Variants in RANBP17 observed in about 807,000 individuals in gnomAD.
RANBP17 encodes the protein ran-binding protein 17.
Under a neutral mutation model 141.2 loss-of-function variants are expected in RANBP17, and 158 were observed. That is an observed-to-expected ratio of 1.12 (90% CI 0.98 to 1.28). The LOEUF is 1.28. RANBP17 is among the 50% of genes most tolerant of loss of function. The pLI is 0.00. For missense variants in RANBP17, 1,438 were observed against 1,290.7 expected (o/e 1.11, Z -1.75); for synonymous variants, 430 against 450.0 (o/e 0.96, Z 0.56).
At position 170,987,881 on chromosome 5, in the gene RANBP17, A is replaced by G. The variant is rs187720402; in HGVS notation, c.1710+19504A>G. On this transcript the variant is annotated intron_variant, in intron 14 of 27. Transcript: ENST00000523189. The stretch of plus-strand genomic sequence containing the variant: ...TAAGTTAGAGAAATACAGGAAGTAA[A>G]TTGGAAAAATATGGGCTTAGTTTTT... 4.1e-3 allele frequency among the ~76,000 whole-genome samples: 615 copies of G among 151,746 alleles called. 5 individuals are homozygous for G. The highest frequency in any genetic ancestry group is 0.014 in the African/African-American group (594 of 41,498).
At chr5:170,960,568 C>G (rs1776060846) in intron 13 of RANBP17, among the ~76,000 whole-genome samples, 1 of 152,176 alleles carries the variant, frequency 6.6e-6, no homozygotes, top group African/African-American at 2.4e-5. Flanking sequence ...TCAGTTCTAT[C>G]TTTTAGTTAC....
intron 3 of RANBP17, among the ~76,000 whole-genome samples, chr5:170,882,222 C>G (rs572025341): frequency 6.6e-6 from 1 of 152,196 alleles, no homozygotes; most frequent in Non-Finnish European, 1.5e-5. Context: ...GCTGGGACTA[C>G]AGGTGCACGC....
rs559534830 is a variant in RANBP17 at position 171,111,002 on chromosome 5, C to A, written c.1711-59128C>A. On this transcript the variant is annotated intron_variant, in intron 14 of 27. Coordinates refer to ENST00000523189, the MANE Select transcript of RANBP17 (RefSeq NM_022897.5). The stretch of plus-strand genomic sequence containing the variant: ...CATTAGGTATATCTCCCAATGCTAT[C>A]CCTCCCCTCTCCCCCCACCCCACCA... Among the ~76,000 whole-genome samples the A allele has an allele frequency of 1.8e-4, 28 of 151,774 alleles. No homozygotes were observed. In the East Asian group the frequency reaches 4.1e-3, roughly 22 times the overall value.
intron 14 of RANBP17, among the ~76,000 whole-genome samples, chr5:171,125,680 A>G (rs1426495371): frequency 6.6e-6 from 1 of 152,180 alleles, no homozygotes; most frequent in Non-Finnish European, 1.5e-5. Flanking sequence ...CCTAACAGAC[A>G]TTTACAGAAC....
intron 20 of RANBP17, among the ~76,000 whole-genome samples, chr5:171,208,564 C>A (rs1177248448): frequency 1.3e-5 from 2 of 152,136 alleles, no homozygotes; most frequent in Non-Finnish European, 2.9e-5. Context: ...TCCTCATATG[C>A]AGTCTTTTAA....
intron 14 of RANBP17, among the ~76,000 whole-genome samples, chr5:171,067,434 G>T (rs578053887): frequency 1.3e-5 from 2 of 151,970 alleles, no homozygotes; most frequent in South Asian, 2.1e-4. Context: ...AATAATATTG[G>T]CATTTATTTA....
intron 14 of RANBP17, among the ~76,000 whole-genome samples, chr5:171,039,196 G>C (rs1445270101): frequency 6.7e-6 from 1 of 150,204 alleles, no homozygotes; most frequent in East Asian, 2.0e-4. Flanking sequence ...CCTACCAACA[G>C]TGTGTAAGAG....
chr5:170,862,382 A>G (rs1766871052), intron 1 of RANBP17, among the ~76,000 whole-genome samples: 1 of 152,154 alleles, frequency 6.6e-6, no homozygotes, highest in South Asian at 2.1e-4. Context: ...TAGTGTTGCC[A>G]GGGCAGGTGG....
At chr5:170,968,444 AATGAT>A (rs1470956572) in intron 14 of RANBP17, 67 bp downstream of exon 14, 3 of 1,405,720 alleles carry the variant, frequency 2.1e-6, no homozygotes, top group Admixed American at 1.7e-5. Context: ...TATATAACTG[AATGAT>A]ATATTTGGGA....
At position 171,205,555 on chromosome 5, in the gene RANBP17, G is replaced by A. The variant is rs138000950; in HGVS notation, c.2174G>A (p.Arg725Gln). The change falls in exon 20 of 28, where the codon CGA becomes CAA. Residue 725 changes from arginine to glutamine, a missense_variant. By Grantham distance (43) the Arg-to-Gln change is conservative (BLOSUM62 1). Coordinates refer to ENST00000523189, the MANE Select transcript of RANBP17 (RefSeq NM_022897.5). ...TTGATCGGGCTGGCAAGAGATCTTC[G>A]AGGGATTGCCTTTGCACTGAACACA... Reference protein sequence around the residue: ...RMLIGLARDLRGIAFALNTKT... With the variant: ...RMLIGLARDLQGIAFALNTKT... 98 of 1,613,960 alleles carry A rather than the reference G, an allele frequency of 6.1e-5. No homozygotes were observed. Among genetic ancestry groups the A allele is most frequent in the African/African-American group, 5.3e-4 (40 of 75,010 alleles).
intron 14 of RANBP17, among the ~76,000 whole-genome samples, chr5:171,007,605 G>C (rs1779738461): frequency 6.6e-6 from 1 of 152,146 alleles, no homozygotes; most frequent in Non-Finnish European, 1.5e-5. Context: ...ACAGAGACTA[G>C]GGAGGGAACG....
intron 20 of RANBP17, among the ~76,000 whole-genome samples, chr5:171,213,382 A>C (rs537532580): frequency 1.3e-4 from 20 of 152,328 alleles, no homozygotes; most frequent in Admixed American, 8.5e-4. Context: ...CTAAGAACAA[A>C]GTAATATAAC....
chr5:170,886,594 A>G (rs1769176114), intron 3 of RANBP17, among the ~76,000 whole-genome samples: 1 of 150,370 alleles, frequency 6.7e-6, no homozygotes, highest in African/African-American at 2.5e-5. Flanking sequence ...TAGTATCTAC[A>G]TTTATACCTT....
intron 20 of RANBP17, chr5:171,205,890 A>G (rs1323337029): frequency 2.0e-6 from 1 of 488,614 alleles, no homozygotes; most frequent in Non-Finnish European, 3.8e-6. Flanking sequence ...AGTTGAAGGG[A>G]TAATCTGGCT....
intron 5 of RANBP17, among the ~76,000 whole-genome samples, chr5:170,898,213 G>A (rs1031298132): frequency 1.3e-5 from 2 of 152,062 alleles, no homozygotes; most frequent in African/African-American, 4.8e-5. Context: ...TTAACATTAT[G>A]TAATGCCCTT....
At chr5:171,212,274 A>G (rs531105474) in intron 20 of RANBP17, among the ~76,000 whole-genome samples, 1 of 152,294 alleles carries the variant, frequency 6.6e-6, no homozygotes, top group Non-Finnish European at 1.5e-5. Context: ...CAAGCAACCA[A>G]CCCTAACATA....
At chr5:171,055,065 A>T (rs1783249492) in intron 14 of RANBP17, among the ~76,000 whole-genome samples, 1 of 152,208 alleles carries the variant, frequency 6.6e-6, no homozygotes. Flanking sequence ...CACAAAGAGT[A>T]CAATATCAGT....
chr5:170,907,506 G>T (rs1771159366), intron 5 of RANBP17, among the ~76,000 whole-genome samples: 1 of 151,882 alleles, frequency 6.6e-6, no homozygotes, highest in Non-Finnish European at 1.5e-5. Flanking sequence ...ATCTTAATAA[G>T]ATTATATTAA....
intron 14 of RANBP17, among the ~76,000 whole-genome samples, chr5:171,106,134 C>T (rs377450368): frequency 9.9e-5 from 15 of 152,178 alleles, no homozygotes; most frequent in African/African-American, 2.7e-4. Context: ...ATAACCACTA[C>T]GTTTAAGAAT....
Sources: gnomAD v4.1 joint callset for allele counts (sites outside exome capture counted in the v4.1 genomes callset) on GRCh38, gnomAD v4.1.1 for gene constraint, MANE v1.5 for transcripts, NCBI Gene and HGNC (gene_info 2026-07-23, HGNC 2026-07-21) for gene names.